Variants in ATAD5 observed in about 807,000 individuals in gnomAD.
ATAD5 encodes ATPase family AAA domain containing 5.
Under a neutral mutation model 176.9 loss-of-function variants are expected in ATAD5, and 58 were observed. The observed-to-expected ratio is 0.33, with a 90% CI of 0.27 to 0.41. ATAD5 has a LOEUF of 0.41. ATAD5 is among the 10% of genes least tolerant of loss of function. ATAD5 has a pLI of 1.00. For synonymous variants in ATAD5, 640 were observed against 712.6 expected, an observed-to-expected ratio of 0.90 and a Z score of 1.62; for missense variants, 1,789 against 2,094.1, an observed-to-expected ratio of 0.85 and a Z score of 2.84.
At chr17:30,857,196 A>G in intron 8 of ATAD5, 84 bp downstream of exon 8, 1 of 1,425,776 alleles carries the variant, frequency 7.0e-7, no homozygotes, top group East Asian at 2.5e-5. Context: ...CTACTCTTAT[A>G]GCCTCGAGTG....
intron 4 of ATAD5, among the ~76,000 whole-genome samples, 180 bp from the exon 5 acceptor site, chr17:30,843,733 T>G (rs868782143): frequency 2.2e-4 from 34 of 152,254 alleles, no homozygotes; most frequent in Middle Eastern, 3.4e-3. Flanking sequence ...TTGTTTGATG[T>G]AAGCATGGAC....
At chr17:30,851,061 G>T (rs1253517478) in intron 6 of ATAD5, among the ~76,000 whole-genome samples, 3 of 142,518 alleles carry the variant, frequency 2.1e-5, no homozygotes, top group African/African-American at 7.6e-5. Flanking sequence ...ATTTTTTTTT[G>T]TATTTTTAGT....
At chr17:30,879,365 T>G in intron 17 of ATAD5, 58 bp from the exon 18 acceptor site, 1 of 1,566,352 alleles carries the variant, frequency 6.4e-7, no homozygotes, top group Non-Finnish European at 8.7e-7. Context: ...TTGAAAAAGT[T>G]ATTTATTGGT....
Position 30,832,399 on chromosome 17 carries a change from G to A in ATAD5, c.52G>A (p.Asp18Asn). 2 of 1,564,638 alleles carry A rather than the reference G, an allele frequency of 1.3e-6. No homozygotes were observed. The highest frequency in any genetic ancestry group is 1.7e-6 in the Non-Finnish European group (2 of 1,154,668). Residue 18 changes from aspartate to asparagine, a missense_variant, in exon 1 of 23, where the codon GAC becomes AAC. Transcript: ENST00000321990. Reference sequence around the variant, plus strand: ...TGCAGCTGCTCCGCCTCCCGTGAAGGACTGCGAGATTGAGGTGAGGTTGAG... The same window carrying A: ...TGCAGCTGCTCCGCCTCCCGTGAAGAACTGCGAGATTGAGGTGAGGTTGAG... ...AAAAAPPPVK[D>N]CEIEPCKKRK... is the part of the protein sequence containing the mutation.
At position 30,835,743 on chromosome 17, in the gene ATAD5, T is replaced by C; in HGVS notation, c.1662T>C (p.Ser554=). 1 of 1,613,548 alleles carries C rather than the reference T, an allele frequency of 6.2e-7. No individual in the cohort carries two copies. Among genetic ancestry groups the C allele is most frequent in the Non-Finnish European group, 8.5e-7 (1 of 1,179,850 alleles). Reference sequence around the variant, plus strand: ...ATGATGACCTTCTAAAGGTTTCCTCTCTGTGTAACAATAATAAATTGTCAA... The same window carrying C: ...ATGATGACCTTCTAAAGGTTTCCTCCCTGTGTAACAATAATAAATTGTCAA... ...IANDDLLKVS[S]LCNNNKLSRK... is the part of the protein sequence containing the mutation. The change falls in exon 2 of 23, where the codon TCT becomes TCC. Residue 554 remains serine, a synonymous_variant. Transcript: ENST00000321990.
chr17:30,859,272 T>C (rs1166852367), intron 9 of ATAD5, among the ~76,000 whole-genome samples: 1 of 152,268 alleles, frequency 6.6e-6, no homozygotes, highest in Non-Finnish European at 1.5e-5. Context: ...TTTTAGCTTA[T>C]ATAGCTTGTA....
intron 6 of ATAD5, among the ~76,000 whole-genome samples, chr17:30,849,386 G>C (rs1906731940): frequency 6.6e-6 from 1 of 152,170 alleles, no homozygotes; most frequent in South Asian, 2.1e-4. Context: ...GTGCACCGCT[G>C]CACCCAGCTG....
chr17:30,862,535 G>A (rs893029343), intron 10 of ATAD5, among the ~76,000 whole-genome samples: 4 of 151,870 alleles, frequency 2.6e-5, no homozygotes, highest in Admixed American at 6.6e-5. Flanking sequence ...TCTGCCTCCC[G>A]GATTCAAGCG....
chr17:30,883,792 G>A (rs1265939078), intron 18 of ATAD5, among the ~76,000 whole-genome samples: 2 of 151,948 alleles, frequency 1.3e-5, no homozygotes, highest in Admixed American at 6.6e-5. Context: ...CTCGTGATCC[G>A]CCCGTCTCGG....
intron 3 of ATAD5, among the ~76,000 whole-genome samples, chr17:30,837,775 G>T (rs1317191618): frequency 1.3e-5 from 2 of 152,074 alleles, no homozygotes; most frequent in Non-Finnish European, 2.9e-5. Flanking sequence ...AGAGAGAGGG[G>T]TCTCCACCCT....
intron 19 of ATAD5, among the ~76,000 whole-genome samples, chr17:30,888,660 T>G (rs150820792): frequency 8.3e-4 from 127 of 152,290 alleles, no homozygotes; most frequent in African/African-American, 2.9e-3. Flanking sequence ...AAAATTCACT[T>G]TACCTTTTTG....
chr17:30,856,417 C>G (rs905854367), intron 7 of ATAD5, among the ~76,000 whole-genome samples: 1 of 152,104 alleles, frequency 6.6e-6, no homozygotes, highest in Non-Finnish European at 1.5e-5. Context: ...GACTTTAGAC[C>G]AGGTTGCTAA....
In ATAD5 at chr17:30,835,633, A is replaced by T. The variant is rs1039433190; in HGVS notation, c.1552A>T (p.Met518Leu). Residue 518 changes from methionine to leucine, a missense_variant, in exon 2 of 23, where the codon ATG (methionine) becomes TTG (leucine). This residue lies in a region of ATAD5 where 696 missense variants were observed against 712.5 expected (regional missense o/e 0.98). Transcript: ENST00000321990. Reference protein sequence around the residue: ...FLKEKQYQNRMSLRQRKTEFF... With the variant: ...FLKEKQYQNRLSLRQRKTEFF... ...AAAAGAGAAACAATATCAAAATAGA[A>T]TGAGTTTAAGACAAAGGAAAACAGA... 1 of 1,608,676 alleles carries T rather than the reference A, an allele frequency of 6.2e-7. No homozygotes were observed. The highest frequency in any genetic ancestry group is 1.3e-5 in the African/African-American group (1 of 74,676).
chr17:30,881,915 C>G (rs1909039707), intron 18 of ATAD5, among the ~76,000 whole-genome samples: 1 of 150,486 alleles, frequency 6.6e-6, no homozygotes, highest in Non-Finnish European at 1.5e-5. Context: ...CCTGTCCCCC[C>G]CCCAAAAAAA....
chr17:30,882,094 T>C (rs1909058594), intron 18 of ATAD5, among the ~76,000 whole-genome samples: 1 of 151,728 alleles, frequency 6.6e-6, no homozygotes, highest in Non-Finnish European at 1.5e-5. Context: ...CCGTGTCTAC[T>C]AAAAATACAA....
chr17:30,894,127 TAGTC>T lies in ATAD5; in HGVS notation c.5281_5284del (p.Ser1761GlnfsTer4), dbSNP rs1909791065. The T allele has an allele frequency of 3.2e-6, 5 of 1,568,104 alleles. No homozygotes were observed. The highest frequency in any genetic ancestry group is 2.7e-5 in the African/African-American group (2 of 73,102). On this transcript the variant is annotated frameshift_variant, in exon 21 of 23. Transcript: ENST00000321990. LOFTEE classifies it high-confidence loss of function. ...CACAAAAGCGCAATAATGTATACTT[TAGTC>T]AGTCAGCAGCTAATTTAGAGTAAGT...
At chr17:30,880,696 ATTAT>A (rs1030103773) in intron 18 of ATAD5, among the ~76,000 whole-genome samples, 5 of 151,702 alleles carry the variant, frequency 3.3e-5, no homozygotes, top group African/African-American at 9.7e-5. Flanking sequence ...GAAACTTCTG[ATTAT>A]TTCTCTTTTT....
At chr17:30,857,285 CT>C (rs1159749770) in intron 8 of ATAD5, among the ~76,000 whole-genome samples, 173 bp downstream of exon 8, 1 of 151,490 alleles carries the variant, frequency 6.6e-6, no homozygotes, top group African/African-American at 2.4e-5. Context: ...GTGGTGCAAT[CT>C]TGGCTCACTG....
Position 30,878,208 on chromosome 17 carries a change from A to G in ATAD5, c.4012+112A>G, listed in dbSNP as rs1908783789. 4.0e-6 allele frequency: 3 copies of G among 750,144 alleles called. No individual in the cohort carries two copies. In the Middle Eastern group the frequency reaches 9.0e-4, roughly 225 times the overall value. The allele number at this position is 750,144 out of a possible 1,614,324, so 46.5% of individuals were successfully genotyped here. On this transcript the variant is annotated intron_variant, in intron 17 of 22. Coordinates refer to ENST00000321990, the MANE Select transcript of ATAD5 (RefSeq NM_024857.5). Reference sequence around the variant, plus strand: ...AATAGCAATTACTTTTTTAAAATTGATACTACTTTGGGTTACTATGTTGGG... The same window carrying G: ...AATAGCAATTACTTTTTTAAAATTGGTACTACTTTGGGTTACTATGTTGGG...
Sources: gnomAD v4.1 joint callset for allele counts (sites outside exome capture counted in the v4.1 genomes callset) on GRCh38, gnomAD v4.1.1 for gene constraint, gnomAD v4.1.1 regional missense constraint, MANE v1.5 for transcripts, NCBI Gene and HGNC (gene_info 2026-07-23, HGNC 2026-07-21) for gene names.